DNM3: variants seen among roughly 807,000 people sequenced by gnomAD.
The protein encoded by DNM3 is dynamin-3.
A neutral mutation model predicts 101.6 loss-of-function variants in DNM3; 47 were observed. The ratio of observed to expected loss-of-function variants is 0.46; its 90% CI spans 0.37 to 0.59. The LOEUF (loss-of-function observed/expected upper bound fraction) is 0.59. DNM3 is among the 20% of genes least tolerant of loss of function. DNM3 has a pLI of 0.00. For missense variants in DNM3, 849 were observed against 1,085.7 expected, an observed-to-expected ratio of 0.78 and a Z score of 3.06; for synonymous variants, 385 against 387.9, an observed-to-expected ratio of 0.99 and a Z score of 0.09.
At chr1:172,303,029 C>A (rs1309345093) in intron 15 of DNM3, among the ~76,000 whole-genome samples, 2 of 152,110 alleles carry the variant, frequency 1.3e-5, no homozygotes, top group Non-Finnish European at 2.9e-5. Flanking sequence ...TGGAGAATGA[C>A]TTTGATGAGT....
chr1:172,275,752 C>T (rs560996519), intron 15 of DNM3, among the ~76,000 whole-genome samples: 1 of 152,186 alleles, frequency 6.6e-6, no homozygotes, highest in South Asian at 2.1e-4. Context: ...CCCATGAAAA[C>T]ATCTGAAATA....
intron 13 of DNM3, among the ~76,000 whole-genome samples, chr1:172,098,966 A>G (rs571426468): frequency 3.9e-5 from 6 of 152,356 alleles, no homozygotes; most frequent in Admixed American, 3.9e-4. Flanking sequence ...GTCCAGTGAT[A>G]GCACGAATTC....
At chr1:171,851,323 T>C (rs2032931894) in intron 1 of DNM3, among the ~76,000 whole-genome samples, 1 of 152,234 alleles carries the variant, frequency 6.6e-6, no homozygotes, top group African/African-American at 2.4e-5. Flanking sequence ...AATCAGCTAC[T>C]TGACTCTGTA....
chr1:171,958,459 T>A (rs2043001250), intron 2 of DNM3, among the ~76,000 whole-genome samples: 1 of 152,128 alleles, frequency 6.6e-6, no homozygotes, highest in South Asian at 2.1e-4. Flanking sequence ...TGAAAGTGAG[T>A]TGGAACAGAA....
chr1:172,317,759 C>A (rs1219635882), intron 16 of DNM3, among the ~76,000 whole-genome samples: 1 of 152,136 alleles, frequency 6.6e-6, no homozygotes, highest in Non-Finnish European at 1.5e-5. Flanking sequence ...AGCTTACCAA[C>A]CAAAAAGAGT....
At position 172,302,567 on chromosome 1, in the gene DNM3, T is replaced by C. The variant is rs533490745; in HGVS notation, c.1770-6161T>C. 2.6e-5 allele frequency among the ~76,000 whole-genome samples: 4 copies of C among 152,320 alleles called. No homozygotes were observed. The South Asian group carries it at 8.3e-4, about 32-fold the overall frequency. On this transcript the variant is annotated intron_variant, in intron 15 of 20. Transcript: ENST00000627582. ...CTCTGAGAACGGACAGACTGCCTCC[T>C]CAAGTGGGTCCATGACCCCTGTGTA...
chr1:172,235,330 T>C (rs1380179797), intron 14 of DNM3, among the ~76,000 whole-genome samples: 2 of 152,044 alleles, frequency 1.3e-5, no homozygotes, highest in Non-Finnish European at 2.9e-5. Context: ...TGGCAATCAT[T>C]AAAAAGTCAG....
chr1:172,260,034 C>T (rs1446187383), intron 15 of DNM3, among the ~76,000 whole-genome samples: 1 of 152,026 alleles, frequency 6.6e-6, no homozygotes, highest in Non-Finnish European at 1.5e-5. Context: ...TATCTCTTAG[C>T]TTTTGCTCAT....
chr1:172,175,839 G>A (rs936051567), intron 14 of DNM3, among the ~76,000 whole-genome samples: 1 of 151,892 alleles, frequency 6.6e-6, no homozygotes, highest in South Asian at 2.1e-4. Flanking sequence ...AAATTGGACA[G>A]GTCCAGCTAA....
At chr1:172,210,269 A>G (rs1388539135) in intron 14 of DNM3, among the ~76,000 whole-genome samples, 1 of 148,570 alleles carries the variant, frequency 6.7e-6, no homozygotes, top group Non-Finnish European at 1.5e-5. Context: ...CAATTCTCTT[A>G]TAAATGACAT....
At chr1:172,266,729 C>G (rs1422546482) in intron 15 of DNM3, among the ~76,000 whole-genome samples, 2 of 152,214 alleles carry the variant, frequency 1.3e-5, no homozygotes, top group African/African-American at 4.8e-5. Context: ...CCCACACCCC[C>G]CTTGGAGTGT....
At chr1:172,184,161 C>T (rs1362095364) in intron 14 of DNM3, among the ~76,000 whole-genome samples, 1 of 152,052 alleles carries the variant, frequency 6.6e-6, no homozygotes, top group African/African-American at 2.4e-5. Flanking sequence ...TTTTCTAAAT[C>T]TTCTCATTAA....
chr1:172,070,455 T>C (rs2052072669), intron 11 of DNM3, among the ~76,000 whole-genome samples: 1 of 152,258 alleles, frequency 6.6e-6, no homozygotes, highest in Non-Finnish European at 1.5e-5. Context: ...AAATCCTACT[T>C]AACTCTTTAG....
intron 8 of DNM3, 44 bp from the exon 9 acceptor site, chr1:172,044,340 CA>C: frequency 6.7e-7 from 1 of 1,487,836 alleles, no homozygotes; most frequent in African/African-American, 1.4e-5. Flanking sequence ...CAATATTATT[CA>C]AAGGAATTAA....
intron 15 of DNM3, among the ~76,000 whole-genome samples, chr1:172,287,483 G>A (rs1057232172): frequency 1.3e-5 from 2 of 152,144 alleles, no homozygotes; most frequent in Non-Finnish European, 2.9e-5. Flanking sequence ...CTCTGCAGCT[G>A]CACTTACAGT....
At chr1:172,005,327 C>T (rs377327939) in intron 4 of DNM3, among the ~76,000 whole-genome samples, 4 of 151,928 alleles carry the variant, frequency 2.6e-5, no homozygotes, top group African/African-American at 7.3e-5. Flanking sequence ...GGTTAAAAAG[C>T]GAGTTTGTGG....
chr1:172,310,533 G>A (rs1349955950), intron 16 of DNM3: 1 of 152,214 alleles, frequency 6.6e-6, no homozygotes, highest in African/African-American at 2.4e-5. Flanking sequence ...CTTTATTTTT[G>A]TCAAGGTGAT....
At chr1:171,941,340 G>A (rs976735867) in intron 2 of DNM3, among the ~76,000 whole-genome samples, 1 of 152,154 alleles carries the variant, frequency 6.6e-6, no homozygotes, top group Non-Finnish European at 1.5e-5. Context: ...GGGCACTACA[G>A]TATAACCCTT....
intron 14 of DNM3, among the ~76,000 whole-genome samples, chr1:172,252,276 T>G (rs2062202528): frequency 6.6e-6 from 1 of 152,168 alleles, no homozygotes; most frequent in African/African-American, 2.4e-5. Context: ...GCTATTCTAA[T>G]GTGCTCTGCC....
Sources: allele counts gnomAD v4.1 joint callset (sites outside exome capture counted in the v4.1 genomes callset), GRCh38; gene constraint gnomAD v4.1.1; transcripts MANE v1.5; gene names NCBI Gene and HGNC (gene_info 2026-07-23, HGNC 2026-07-21).